The following PLEC variants were observed in gnomAD, a reference collection of about 807,000 sequenced individuals.
The protein encoded by PLEC is plectin.
PLEC carries 216 observed loss-of-function variants against 392.8 expected under a neutral mutation model. The observed-to-expected ratio is 0.55, with a 90% CI of 0.49 to 0.62. The LOEUF is 0.62. PLEC is among the 20% of genes least tolerant of loss of function. The probability of loss-of-function intolerance (pLI) is 0.00; values close to 1 mark genes in which losing one functional copy is unlikely to be tolerated. For synonymous variants in PLEC, 3,621 were observed against 2,980.6 expected (o/e 1.21, Z -7.00); for missense variants, 6,863 against 6,563.4 (o/e 1.05, Z -1.58).
Position 143,920,667 on chromosome 8 carries a change from C to T in PLEC, c.9154G>A (p.Asp3052Asn), listed in dbSNP as rs375732878. ...GCTTCCAACAGGGCCACGGCCATGT[C>T]GGATGGCAGCAGGTCTTTCTTCAGG... ...NALKKDLLPS[D>N]MAVALLEAQA... Residue 3052 changes from aspartate to asparagine, a missense_variant, in exon 32 of 32, where the codon GAC becomes AAC. Asp to Asn is a conservative substitution (Grantham distance 23). Transcript: ENST00000345136. The T allele has an allele frequency of 2.1e-5, 34 of 1,603,584 alleles. No homozygotes were observed. The highest frequency in any genetic ancestry group is 1.5e-4 in the African/African-American group (11 of 74,918).
rs1140522 is a variant in PLEC at position 143,924,001 on chromosome 8, C to T, written c.5928G>A (p.Ala1976=). 0.39 allele frequency: 615,082 copies of T among 1,588,440 alleles called. 125,416 individuals carry two copies. The highest frequency in any genetic ancestry group is 0.42 in the Non-Finnish European group (494,477 of 1,174,194). The change falls in exon 31 of 32, where the codon GCG becomes GCA. Residue 1976 remains alanine (A), a synonymous_variant. Transcript: ENST00000345136. ...CACGGCGCCGCCGCTCCTCCTCCGC[C>T]GCCAGCTGCCGCTGCCTCGCAGCCT... is the stretch of plus-strand genomic sequence containing the variant. The part of the protein sequence containing the change: ...ELEAARQRQL[A]AEEERRRREA...
chr8:143,970,525 T>C (rs1310669531), intron 1 of PLEC, among the ~76,000 whole-genome samples: 1 of 152,196 alleles, frequency 6.6e-6, no homozygotes, highest in African/African-American at 2.4e-5. Flanking sequence ...TGATTATTAG[T>C]ATTTTTTAAT....
Position 143,919,680 on chromosome 8 carries a change from T to C in PLEC, c.10141A>G (p.Arg3381Gly). The C allele has an allele frequency of 1.3e-6, 2 of 1,599,738 alleles. No homozygotes were observed. The highest frequency in any genetic ancestry group is 8.5e-7 in the Non-Finnish European group (1 of 1,174,436). The change falls in exon 32 of 32, where the codon AGA becomes GGA. Residue 3381 changes from arginine to glycine, a missense_variant. Coordinates refer to ENST00000345136, the MANE Select transcript of PLEC (RefSeq NM_201384.3). ...AGCAGGAGCGCAGCCGTTGTGGCTC[T>C]CAGCAGGCCCCGGCGCATGGCCTCG... ...IYEAMRRGLL[R>G]ATTAALLLEA...
chr8:143,917,184 G>A lies in PLEC; in HGVS notation c.12637C>T (p.Leu4213Phe), dbSNP rs782124619. The A allele has an allele frequency of 6.8e-6, 11 of 1,612,616 alleles. No homozygotes were observed. The highest frequency in any genetic ancestry group is 4.0e-5 in the African/African-American group (3 of 74,930). Residue 4213 changes from leucine (L) to phenylalanine (F), a missense_variant, in exon 32 of 32, where the codon CTC (leucine) becomes TTC (phenylalanine). Coordinates refer to ENST00000345136, the MANE Select transcript of PLEC (RefSeq NM_201384.3). The stretch of plus-strand genomic sequence containing the variant: ...TGGTCCAGTGCCGAGCGGTCGATGA[G>A]GTTCTTGGCGATGGCATCATCGATG... The part of the protein sequence containing the change: ...YDIDDAIAKN[L>F]IDRSALDQYR...
At chr8:143,976,333 C>A (rs1296070282), upstream of PLEC, among the ~76,000 whole-genome samples, 1 of 152,238 alleles carries the variant, frequency 6.6e-6, no homozygotes, top group South Asian at 2.1e-4. Context: ...CGCGGGGGCA[C>A]AATGTGGGCT....
rs782714752 is a variant in PLEC, at chr8:143,929,702, C to A, written c.2867G>T (p.Arg956Leu). The change falls in exon 23 of 32, where the codon CGC (arginine) becomes CTC (leucine). Residue 956 changes from arginine to leucine, a missense_variant. Arg to Leu is a moderately radical substitution (Grantham distance 102, BLOSUM62 -2). Transcript: ENST00000345136. ...FGPEDRLMAE[R>L]EYGSCSHHYQ... ...GTGGTGGCTGCAGGAGCCGTACTCG[C>A]GCTCAGCCATCAGCCGGTCCTCGGG... 3 of 1,599,634 alleles carry A rather than the reference C, an allele frequency of 1.9e-6. No homozygotes were observed. Among genetic ancestry groups the A allele is most frequent in the East Asian group, 2.2e-5 (1 of 44,788 alleles).
intron 1 of PLEC, among the ~76,000 whole-genome samples, chr8:143,938,931 C>A (rs534358162): frequency 5.3e-5 from 8 of 152,114 alleles, no homozygotes; most frequent in Non-Finnish European, 1.0e-4. Flanking sequence ...CGGACTCTTC[C>A]CCCGAGGAAA....
Position 143,924,438 on chromosome 8 carries a change from C to T in PLEC, c.5491G>A (p.Ala1831Thr). ...AGCTTCTCCGCAAGCACCCGCTCCG[C>T]CTCGGCCCGCTGCCGCGCCGCGTCT... ...EEDAARQRAE[A>T]ERVLAEKLAA... Residue 1831 changes from alanine (A) to threonine (T), a missense_variant, in exon 31 of 32, where the codon GCG becomes ACG. Coordinates refer to ENST00000345136, the MANE Select transcript of PLEC (RefSeq NM_201384.3). The T allele has an allele frequency of 6.4e-7, 1 of 1,574,514 alleles. No homozygotes were observed. Among genetic ancestry groups the T allele is most frequent in the Non-Finnish European group, 8.6e-7 (1 of 1,168,876 alleles).
rs782061142 is a variant in PLEC, at chr8:143,935,147, C to G, written c.719-30G>C. On this transcript the variant is annotated intron_variant, in intron 7 of 31. Coordinates refer to ENST00000345136, the MANE Select transcript of PLEC (RefSeq NM_201384.3). Reference sequence around the variant, plus strand: ...AGGGAAGGGCAGCTCAGCGGTGGCTCTGGGGCAGGCAGCAGGGGAAGGGAC... The same window carrying G: ...AGGGAAGGGCAGCTCAGCGGTGGCTGTGGGGCAGGCAGCAGGGGAAGGGAC... 4 of 1,612,090 alleles carry G rather than the reference C, an allele frequency of 2.5e-6. No homozygotes were observed. The South Asian group carries it at 3.3e-5, about 13-fold the overall frequency.
upstream of PLEC, among the ~76,000 whole-genome samples, chr8:143,957,868 G>A (rs1415645986): frequency 6.6e-6 from 1 of 151,748 alleles, no homozygotes; most frequent in African/African-American, 2.4e-5. Flanking sequence ...GGTGGTGGTG[G>A]AGCAGGCCAG....
chr8:143,962,606 C>T (rs565333118), intron 1 of PLEC, among the ~76,000 whole-genome samples: 8 of 152,292 alleles, frequency 5.3e-5, no homozygotes, highest in South Asian at 2.1e-4. Flanking sequence ...TCTGACCAGA[C>T]GGTTGGTAGA....
Position 143,938,658 on chromosome 8 carries a change from G to C in PLEC, c.147C>G (p.Thr49=). 1 of 1,613,832 alleles carries C rather than the reference G, an allele frequency of 6.2e-7. No individual in the cohort carries two copies. Among genetic ancestry groups the C allele is most frequent in the Non-Finnish European group, 8.5e-7 (1 of 1,179,924 alleles). Residue 49 remains threonine, a synonymous_variant, in exon 2 of 32, where the codon ACC becomes ACG. Transcript: ENST00000345136. ...TGATGAGGTGCTTGTTGACCCACTT[G>C]GTGAAGGTTTTCTTCTGCACACGAT... is the stretch of plus-strand genomic sequence containing the variant. The part of the protein sequence containing the change: ...ERDRVQKKTF[T]KWVNKHLIKA...
At chr8:143,964,765 T>C (rs781928962) in intron 1 of PLEC, among the ~76,000 whole-genome samples, 44 of 152,158 alleles carry the variant, frequency 2.9e-4, no homozygotes, top group Non-Finnish European at 5.6e-4. Flanking sequence ...GCTGTGTCTC[T>C]TAGGCCTATC....
rs1830016483 is a variant in PLEC at position 143,939,536 on chromosome 8, G to A, written c.-75C>T. On this transcript the variant is annotated 5_prime_UTR_variant, in exon 1 of 32. Transcript: ENST00000345136. ...TCTGGGCAGCCCCGTGTGGCACACA[G>A]GCAGCTGAAGGCTGGCGGCCCCACG... The A allele has an allele frequency of 3.2e-6, 5 of 1,547,566 alleles. No individual in the cohort carries two copies. Among genetic ancestry groups the A allele is most frequent in the Non-Finnish European group, 8.7e-7 (1 of 1,148,074 alleles).
chr8:143,929,968 C>G lies in PLEC; in HGVS notation c.2707G>C (p.Val903Leu), dbSNP rs372373405. The change falls in exon 22 of 32, where the codon GTG becomes CTG. Residue 903 changes from valine to leucine, a missense_variant. Coordinates refer to ENST00000345136, the MANE Select transcript of PLEC (RefSeq NM_201384.3). ...LLAWQSLRRD[V>L]QLIRSWSLAT... ...AGGGACCAGGAGCGGATGAGCTGCA[C>G]GTCGCGGCGAAGGCTCTGCCAGGCC... 6.2e-6 allele frequency: 10 copies of G among 1,611,310 alleles called. No individual in the cohort carries two copies. In the East Asian group the frequency reaches 1.6e-4, roughly 25 times the overall value.
chr8:143,942,381 A>G, upstream of PLEC: 1 of 1,602,680 alleles, frequency 6.2e-7, no homozygotes, highest in Non-Finnish European at 8.5e-7. Context: ...CGGCCACGCC[A>G]CTGCACCCAC....
chr8:143,936,396 G>A (rs899874157), intron 5 of PLEC, among the ~76,000 whole-genome samples: 2 of 152,242 alleles, frequency 1.3e-5, no homozygotes, highest in African/African-American at 2.4e-5. Context: ...ACCCACAAGT[G>A]TACCACTAAA....
chr8:143,937,296 C>T (rs1554724344), intron 3 of PLEC, 54 bp from the exon 4 acceptor site: 2 of 1,369,086 alleles, frequency 1.5e-6, no homozygotes, highest in Non-Finnish European at 2.1e-6. Context: ...CCGGGCCCCA[C>T]CCTCAGCATG....
At position 143,929,418 on chromosome 8, in the gene PLEC, T is replaced by C; in HGVS notation, c.3077A>G (p.Gln1026Arg). The C allele has an allele frequency of 6.4e-7, 1 of 1,563,752 alleles. No homozygotes were observed. Among genetic ancestry groups the C allele is most frequent in the South Asian group, 1.2e-5 (1 of 86,232 alleles). Residue 1026 changes from glutamine (Q) to arginine (R), a missense_variant, in exon 24 of 32, where the codon CAG becomes CGG. Physicochemically the swap from Gln to Arg is conservative, Grantham distance 43. Coordinates refer to ENST00000345136, the MANE Select transcript of PLEC (RefSeq NM_201384.3). ...ATGGGGGGGGACGGCCCCTGCCTGC[T>C]GCTCGGCGATGCGCTGGGCACACTC... Reference protein sequence around the residue: ...ARECAQRIAEQQKAQAEVEGL... With the variant: ...ARECAQRIAERQKAQAEVEGL...
Sources: gnomAD v4.1 joint callset for allele counts (sites outside exome capture counted in the v4.1 genomes callset) on GRCh38, gnomAD v4.1.1 for gene constraint, MANE v1.5 for transcripts, NCBI Gene and HGNC (gene_info 2026-07-23, HGNC 2026-07-21) for gene names.